The following TF variants were observed in gnomAD, a reference collection of about 807,000 sequenced individuals.
TF encodes serotransferrin.
TF carries 55 observed loss-of-function variants against 82.4 expected under a neutral mutation model. The ratio of observed to expected loss-of-function variants is 0.67; its 90% CI spans 0.54 to 0.84. The LOEUF (loss-of-function observed/expected upper bound fraction) is 0.84, where lower values mean the gene tolerates loss of function less well. Ranked by LOEUF, TF falls within the 40% of genes least tolerant of loss-of-function variation. The pLI is 0.00. For missense variants in TF, 737 were observed against 868.4 expected, an observed-to-expected ratio of 0.85 and a Z score of 1.90; for synonymous variants, 332 against 332.6, an observed-to-expected ratio of 1.00 and a Z score of 0.02.
At chr3:133,731,290 G>A in the TF span, among the ~76,000 whole-genome samples, 9 of 152,204 alleles carry the variant, frequency 5.9e-5, no homozygotes, top group African/African-American at 1.9e-4. Flanking sequence ...TGGTGAAGGA[G>A]CAATGGGAAG....
rs1471525622 is a variant in TF, at chr3:133,793,456, A to G, written c.*14836A>G. On this transcript the variant is annotated 3_prime_UTR_variant, in exon 17 of 17. Coordinates refer to ENST00000402696, the MANE Select transcript of TF (RefSeq NM_001063.4). The stretch of plus-strand genomic sequence containing the variant: ...AAGCATCCAAAAGAGAGGTAAACAG[A>G]ATTATTTGACATGTTTAATTACATG... The G allele has an allele frequency of 6.6e-6, 1 of 152,124 alleles. No homozygotes were observed. Among genetic ancestry groups the G allele is most frequent in the African/African-American group, 2.4e-5 (1 of 41,438 alleles). The allele number at this position is 152,124 out of a possible 1,614,324, so 9.4% of individuals were successfully genotyped here.
intron 1 of TF, among the ~76,000 whole-genome samples, chr3:133,747,961 G>A (rs1022907656): frequency 2.6e-5 from 4 of 151,982 alleles, no homozygotes; most frequent in African/African-American, 7.2e-5. Context: ...CATTCTCTGA[G>A]TCTCACTCCC....
In TF at chr3:133,754,485, GC is replaced by G; in HGVS notation, c.326-8del. The G allele has an allele frequency of 3.7e-6, 6 of 1,614,036 alleles. No homozygotes were observed. The highest frequency in any genetic ancestry group is 5.1e-6 in the Non-Finnish European group (6 of 1,179,978). ...GCTGAGGGCCTTCCATTCACACTGT[GC>G]CTTTGCAGATCCACAGACTTTCTAT... On this transcript the variant is annotated splice_polypyrimidine_tract_variant and intron_variant, in intron 3 of 16. Transcript: ENST00000402696.
rs138539550 is a variant in TF, at chr3:133,757,818, C to T, written c.920C>T (p.Pro307Leu). The T allele has an allele frequency of 2.2e-5, 35 of 1,614,116 alleles. 1 individual carries two copies. The African/African-American group carries it at 4.4e-4, about 20-fold the overall frequency. Residue 307 changes from proline (P) to leucine (L), a missense_variant, in exon 8 of 17, where the codon CCT (proline) becomes CTT (leucine). Physicochemically the swap from Pro to Leu is moderately conservative, Grantham distance 98. Transcript: ENST00000402696. Reference protein sequence around the residue: ...KSKEFQLFSSPHGKDLLFKDS... With the variant: ...KSKEFQLFSSLHGKDLLFKDS... ...AAAGAATTCCAACTATTCAGCTCTC[C>T]TCATGGGAAGGACCTGCTGTTTAAG...
At position 133,781,874 on chromosome 3, in the gene TF, C is replaced by G. The variant is rs1293221494; in HGVS notation, c.*3254C>G. 6.6e-6 allele frequency: 1 copy of G among 152,050 alleles called. No homozygotes were observed. The highest frequency in any genetic ancestry group is 1.5e-5 in the Non-Finnish European group (1 of 68,022). 9.4% of individuals were successfully genotyped at this position (152,050 alleles called of 1,614,324 possible). A position where few individuals can be genotyped will look rare whatever the true frequency, so the allele number is the denominator to read the frequency against. On this transcript the variant is annotated 3_prime_UTR_variant, in exon 17 of 17. Transcript: ENST00000402696. ...AACAAGCAACAAAATGAAATGGCAACCTATGGATTGGAAAAAATATTTGCA... is the reference window on the plus strand; with the variant it reads ...AACAAGCAACAAAATGAAATGGCAAGCTATGGATTGGAAAAAATATTTGCA...
the TF span, among the ~76,000 whole-genome samples, chr3:133,688,619 A>ATTG: frequency 6.6e-6 from 1 of 152,226 alleles, no homozygotes; most frequent in Non-Finnish European, 1.5e-5. Flanking sequence ...CAATCTCAGT[A>ATTG]AAATACCTAT....
chr3:133,712,276 T>A, the TF span, among the ~76,000 whole-genome samples: 4 of 152,170 alleles, frequency 2.6e-5, no homozygotes, highest in Admixed American at 2.6e-4. Flanking sequence ...CTTCCTGGAC[T>A]TGAAGCTGTG....
At chr3:133,734,038 G>A in the TF span, among the ~76,000 whole-genome samples, 9 of 152,246 alleles carry the variant, frequency 5.9e-5, no homozygotes, top group African/African-American at 2.2e-4. Flanking sequence ...CTGGGACTGC[G>A]GTTTCTCATG....
the TF span, among the ~76,000 whole-genome samples, chr3:133,674,548 T>A: frequency 2.6e-5 from 4 of 152,006 alleles, no homozygotes; most frequent in African/African-American, 9.7e-5. Flanking sequence ...TCCGGCGGGG[T>A]AAAGCCGGAC....
At chr3:133,732,516 C>T in the TF span, among the ~76,000 whole-genome samples, 1 of 152,196 alleles carries the variant, frequency 6.6e-6, no homozygotes, top group Non-Finnish European at 1.5e-5. Flanking sequence ...AGCGGCAACC[C>T]ACTCCGGTTC....
chr3:133,755,635 G>A (rs1201913632), intron 5 of TF, 140 bp downstream of exon 5: 3 of 1,203,176 alleles, frequency 2.5e-6, no homozygotes, highest in Admixed American at 2.0e-5. Flanking sequence ...TGAGTCAGAA[G>A]CACAACCTGG....
rs1234075540 is a variant in TF, at chr3:133,791,120, T to C, written c.*12500T>C. 1 of 152,180 alleles carries C rather than the reference T, an allele frequency of 6.6e-6. No homozygotes were observed. The highest frequency in any genetic ancestry group is 1.5e-5 in the Non-Finnish European group (1 of 68,028). The allele number at this position is 152,180 out of a possible 1,614,324, so 9.4% of individuals were successfully genotyped here. A position where few individuals can be genotyped will look rare whatever the true frequency, so the allele number is the denominator to read the frequency against. Reference sequence around the variant, plus strand: ...GAATAGTTATTTTGTTCCCTATGCATTTCTAGCAAGTCATCATTTGTTCCA... The same window carrying C: ...GAATAGTTATTTTGTTCCCTATGCACTTCTAGCAAGTCATCATTTGTTCCA... On this transcript the variant is annotated 3_prime_UTR_variant, in exon 17 of 17. Coordinates refer to ENST00000402696, the MANE Select transcript of TF (RefSeq NM_001063.4).
chr3:133,757,636 C>A, intron 7 of TF, 133 bp from the exon 8 acceptor site: 1 of 842,638 alleles, frequency 1.2e-6, no homozygotes, highest in Non-Finnish European at 1.9e-6. Flanking sequence ...AGGAGCAGGT[C>A]CGACTGCCCT....
Position 133,775,475 on chromosome 3 carries a change from A to C in TF, c.1730A>C (p.Asp577Ala). ...DPWAKNLNEKDYELLCLDGTR... is the reference protein window; with the variant it reads ...DPWAKNLNEKAYELLCLDGTR... ...TGGGCTAAGAATCTGAATGAAAAAGACTATGAGTTGCTGTGCCTTGATGGT... is the reference window on the plus strand; with the variant it reads ...TGGGCTAAGAATCTGAATGAAAAAGCCTATGAGTTGCTGTGCCTTGATGGT... The change falls in exon 15 of 17, where the codon GAC (aspartate) becomes GCC (alanine). Residue 577 changes from aspartate to alanine, a missense_variant. Physicochemically the swap from Asp to Ala is moderately radical, Grantham distance 126. Transcript: ENST00000402696. The C allele has an allele frequency of 6.2e-7, 1 of 1,614,222 alleles. No individual in the cohort carries two copies. The highest frequency in any genetic ancestry group is 2.2e-5 in the East Asian group (1 of 44,882).
chr3:133,746,121 C>T (rs903986856), upstream of TF: 1 of 476,746 alleles, frequency 2.1e-6, no homozygotes, highest in East Asian at 4.1e-5. Context: ...CCCAGCCCGC[C>T]GTAGCCGCTC....
At chr3:133,726,116 C>T in the TF span, among the ~76,000 whole-genome samples, 1 of 152,128 alleles carries the variant, frequency 6.6e-6, no homozygotes, top group South Asian at 2.1e-4. Flanking sequence ...GTCTAAAATT[C>T]TCTTTTTTGA....
chr3:133,725,029 A>G, the TF span, among the ~76,000 whole-genome samples: 1 of 152,156 alleles, frequency 6.6e-6, no homozygotes, highest in Admixed American at 6.5e-5. Context: ...CTGTTTTGGT[A>G]CCAGTACCAT....
chr3:133,790,911 G>T lies in TF; in HGVS notation c.*12291G>T, dbSNP rs1471272053. On this transcript the variant is annotated 3_prime_UTR_variant, in exon 17 of 17. Coordinates refer to ENST00000402696, the MANE Select transcript of TF (RefSeq NM_001063.4). ...TTATGTGGGTTTTGGGGGGCCCTAGGTAAACACTGTAGCCTCCAGGGTAGA... is the reference window on the plus strand; with the variant it reads ...TTATGTGGGTTTTGGGGGGCCCTAGTTAAACACTGTAGCCTCCAGGGTAGA... 6.6e-6 allele frequency: 1 copy of T among 152,170 alleles called. No homozygotes were observed. The highest frequency in any genetic ancestry group is 1.5e-5 in the Non-Finnish European group (1 of 68,016). The allele number at this position is 152,170 out of a possible 1,614,324, so 9.4% of individuals were successfully genotyped here.
intron 1 of TF, among the ~76,000 whole-genome samples, chr3:133,747,505 T>A (rs1933536049): frequency 6.6e-6 from 1 of 152,204 alleles, no homozygotes; most frequent in Non-Finnish European, 1.5e-5. Context: ...TCAGAGCCAG[T>A]GAGTCAGCCT....
Sources: allele counts gnomAD v4.1 joint callset (sites outside exome capture counted in the v4.1 genomes callset), GRCh38; gene constraint gnomAD v4.1.1; transcripts MANE v1.5; gene names NCBI Gene and HGNC (gene_info 2026-07-23, HGNC 2026-07-21).